The following MACROD2 variants were observed in gnomAD, a reference collection of about 807,000 sequenced individuals.
MACROD2 encodes the protein ADP-ribose glycohydrolase MACROD2.
A neutral mutation model predicts 70.4 loss-of-function variants in MACROD2; 36 were observed. The ratio of observed to expected loss-of-function variants is 0.51; its 90% CI spans 0.39 to 0.68. MACROD2 has a LOEUF of 0.68. Among genes scored for constraint, MACROD2 ranks in the 30% least tolerant of loss-of-function variants. The probability of loss-of-function intolerance (pLI) is 0.00; values close to 1 mark genes in which losing one functional copy is unlikely to be tolerated. For synonymous variants in MACROD2, 172 were observed against 178.8 expected (o/e 0.96, Z 0.30); for missense variants, 496 against 538.4 (o/e 0.92, Z 0.78).
intron 6 of MACROD2, among the ~76,000 whole-genome samples, chr20:15,310,769 G>A (rs992536551): frequency 6.6e-6 from 1 of 152,008 alleles, no homozygotes; most frequent in Non-Finnish European, 1.5e-5. Context: ...GCAGAGAAGG[G>A]GCTTGGTGAG....
intron 13 of MACROD2, among the ~76,000 whole-genome samples, chr20:15,968,627 G>A (rs1436208508): frequency 5.9e-5 from 9 of 151,412 alleles, no homozygotes. Flanking sequence ...CTAAATATAT[G>A]TCTTTAACTT....
intron 3 of MACROD2, among the ~76,000 whole-genome samples, chr20:14,489,879 AAGAC>A (rs1205683384): frequency 1.3e-5 from 2 of 151,056 alleles, no homozygotes; most frequent in African/African-American, 2.4e-5. Context: ...TTTTTTTTAA[AAGAC>A]AGAGTCTTGC....
intron 5 of MACROD2, among the ~76,000 whole-genome samples, chr20:14,923,268 C>T (rs1235451392): frequency 6.6e-6 from 1 of 152,156 alleles, no homozygotes; most frequent in Non-Finnish European, 1.5e-5. Context: ...ATCATCCTTG[C>T]TTATCTCAGC....
At chr20:15,632,955 C>G (rs967162610) in intron 8 of MACROD2, among the ~76,000 whole-genome samples, 8 of 151,304 alleles carry the variant, frequency 5.3e-5, no homozygotes, top group African/African-American at 1.9e-4. Flanking sequence ...CCCTCCTTCC[C>G]TCTTTCCTTC....
intron 2 of MACROD2, among the ~76,000 whole-genome samples, chr20:14,012,291 A>G (rs2052921794): frequency 6.6e-6 from 1 of 152,264 alleles, no homozygotes; most frequent in African/African-American, 2.4e-5. Flanking sequence ...TTAGATCCTC[A>G]TCTTCCTTAA....
At chr20:15,810,626 C>T (rs1328926126) in intron 8 of MACROD2, among the ~76,000 whole-genome samples, 1 of 152,166 alleles carries the variant, frequency 6.6e-6, no homozygotes, top group Non-Finnish European at 1.5e-5. Context: ...CCCGCATTGC[C>T]AAGTCAATCC....
At chr20:14,601,964 T>G (rs1326247379) in intron 4 of MACROD2, among the ~76,000 whole-genome samples, 2 of 152,186 alleles carry the variant, frequency 1.3e-5, no homozygotes, top group Non-Finnish European at 1.5e-5. Flanking sequence ...ATATATAAAC[T>G]ATTTATTTGC....
chr20:15,596,907 C>T (rs2048753169), intron 8 of MACROD2, among the ~76,000 whole-genome samples: 1 of 152,134 alleles, frequency 6.6e-6, no homozygotes, highest in African/African-American at 2.4e-5. Flanking sequence ...TACATATTTT[C>T]CCGGCTTAAT....
At chr20:15,671,280 C>A (rs2049976168) in intron 8 of MACROD2, among the ~76,000 whole-genome samples, 1 of 152,184 alleles carries the variant, frequency 6.6e-6, no homozygotes. Flanking sequence ...TCTTTGCAAG[C>A]TTTTACTTTC....
chr20:16,008,481 G>GAAGT (rs1316289262), intron 15 of MACROD2, among the ~76,000 whole-genome samples: 1 of 152,194 alleles, frequency 6.6e-6, no homozygotes, highest in African/African-American at 2.4e-5. Context: ...GTGAGGTGAA[G>GAAGT]AAGTATCCTG....
chr20:14,356,416 T>C (rs1157793270), intron 3 of MACROD2, among the ~76,000 whole-genome samples: 1 of 151,082 alleles, frequency 6.6e-6, no homozygotes, highest in Non-Finnish European at 1.5e-5. Flanking sequence ...ATTTAGTCCA[T>C]AAATCTCAAT....
intron 6 of MACROD2, among the ~76,000 whole-genome samples, chr20:15,381,371 G>A (rs2045642138): frequency 6.6e-6 from 1 of 151,454 alleles, no homozygotes. Context: ...CCCACAACTG[G>A]GGGAGGGGAT....
chr20:14,034,346 C>T (rs533232322), intron 2 of MACROD2, among the ~76,000 whole-genome samples: 1 of 152,224 alleles, frequency 6.6e-6, no homozygotes, highest in African/African-American at 2.4e-5. Context: ...TTTAATCACC[C>T]CCTATTCATA....
intron 3 of MACROD2, among the ~76,000 whole-genome samples, chr20:14,249,173 C>T (rs1035957105): frequency 5.6e-5 from 7 of 125,548 alleles, no homozygotes; most frequent in Non-Finnish European, 6.4e-5. Context: ...AGAAACTTCT[C>T]AGTTTATTCC....
chr20:14,472,358 T>C (rs535052534), intron 3 of MACROD2, among the ~76,000 whole-genome samples: 12 of 152,208 alleles, frequency 7.9e-5, no homozygotes, highest in African/African-American at 2.9e-4. Context: ...ATTTACAGAA[T>C]GCTTACTGTA....
chr20:14,313,668 A>G (rs1232313145), intron 3 of MACROD2, among the ~76,000 whole-genome samples: 1 of 152,192 alleles, frequency 6.6e-6, no homozygotes, highest in Non-Finnish European at 1.5e-5. Context: ...TCTTAGACCT[A>G]ATCCTTTAAG....
At chr20:15,936,420 C>G (rs2065661547) in intron 11 of MACROD2, among the ~76,000 whole-genome samples, 1 of 147,256 alleles carries the variant, frequency 6.8e-6, no homozygotes, top group Admixed American at 6.8e-5. Flanking sequence ...ATATGAAAAA[C>G]TATATATATA....
chr20:15,691,292 A>T (rs918270917), intron 8 of MACROD2, among the ~76,000 whole-genome samples: 2 of 152,246 alleles, frequency 1.3e-5, no homozygotes, highest in African/African-American at 4.8e-5. Flanking sequence ...GGATGCTATT[A>T]TCTACCTCTC....
intron 5 of MACROD2, among the ~76,000 whole-genome samples, chr20:14,825,302 A>T (rs1175386576): frequency 1.3e-5 from 2 of 152,054 alleles, no homozygotes; most frequent in African/African-American, 4.8e-5. Flanking sequence ...CAAGACAAGA[A>T]ACCTGGTCCT....
Sources: allele counts gnomAD v4.1 joint callset (sites outside exome capture counted in the v4.1 genomes callset), GRCh38; gene constraint gnomAD v4.1.1; transcripts MANE v1.5; gene names NCBI Gene and HGNC (gene_info 2026-07-23, HGNC 2026-07-21).